Variants in ZNF341 observed in about 807,000 individuals in gnomAD.
ZNF341 encodes zinc finger protein 341.
A neutral mutation model predicts 87.7 loss-of-function variants in ZNF341; 52 were observed. The observed-to-expected ratio is 0.59, with a 90% CI of 0.47 to 0.75. ZNF341 has a LOEUF of 0.75. ZNF341 is among the 30% of genes least tolerant of loss of function. The pLI is 0.00. For missense variants in ZNF341, 977 were observed against 1,145.9 expected (o/e 0.85, Z 2.13); for synonymous variants, 459 against 472.7 (o/e 0.97, Z 0.38).
intron 7 of ZNF341, among the ~76,000 whole-genome samples, chr20:33,760,871 G>A (rs963614908): frequency 6.6e-6 from 1 of 152,024 alleles, no homozygotes; most frequent in Admixed American, 6.6e-5. Flanking sequence ...AGCCCCATAT[G>A]GCTTATGTCT....
At chr20:33,770,340 A>AT in intron 10 of ZNF341, 48 bp downstream of exon 10, 1 of 465,534 alleles carries the variant, frequency 2.1e-6, no homozygotes, top group Non-Finnish European at 4.5e-6. Context: ...GTGGGTGGGC[A>AT]GGGAGCCCAG....
intron 10 of ZNF341, among the ~76,000 whole-genome samples, chr20:33,772,207 T>C (rs2019547811): frequency 6.6e-6 from 1 of 151,980 alleles, no homozygotes; most frequent in African/African-American, 2.4e-5. Flanking sequence ...CTGCAGTCAT[T>C]TTGCTGTACA....
chr20:33,745,233 C>T lies in ZNF341; in HGVS notation c.273C>T (p.Asn91=). 6.2e-7 allele frequency: 1 copy of T among 1,614,248 alleles called. No individual in the cohort carries two copies. The highest frequency in any genetic ancestry group is 1.1e-5 in the South Asian group (1 of 91,090). The stretch of plus-strand genomic sequence containing the variant: ...TGGCCACAGTCTCACTGGCCACCAA[C>T]AGCATCTACCCACCTTCGGCAGCAC... ...PALATVSLAT[N]SIYPPSAAPT... is the part of the protein sequence containing the mutation. The change falls in exon 3 of 15, where the codon AAC becomes AAT. Residue 91 remains asparagine (N), a synonymous_variant. Transcript: ENST00000375200.
intron 14 of ZNF341, 64 bp downstream of exon 14, chr20:33,789,652 C>T (rs1335734619): frequency 3.3e-5 from 52 of 1,555,100 alleles, no homozygotes; most frequent in Non-Finnish European, 4.5e-5. Context: ...GATAGACCCG[C>T]CAGGAAGAGA....
chr20:33,744,822 C>T (rs1028024658), intron 2 of ZNF341, among the ~76,000 whole-genome samples: 4 of 152,122 alleles, frequency 2.6e-5, no homozygotes, highest in African/African-American at 7.2e-5. Flanking sequence ...GAACTCCTGA[C>T]CTCAGGTGAT....
chr20:33,775,470 AAG>A (rs1393739959), intron 10 of ZNF341, among the ~76,000 whole-genome samples: 1 of 150,708 alleles, frequency 6.6e-6, no homozygotes, highest in Non-Finnish European at 1.5e-5. Context: ...CGGCCTCCCA[AAG>A]TGCTAGGATT....
chr20:33,763,171 T>C lies in ZNF341; in HGVS notation c.1222+1116T>C, dbSNP rs1005273012. Among the ~76,000 whole-genome samples, 5 of 152,318 alleles carry C rather than the reference T, an allele frequency of 3.3e-5. No individual in the cohort carries two copies. The South Asian group carries it at 1.0e-3, about 32-fold the overall frequency. ...TGCATTACCTTTTCTATGTTTAAGT[T>C]ACATTCATTTAAAAAATTTTAGATT... is the stretch of plus-strand genomic sequence containing the variant. On this transcript the variant is annotated intron_variant, in intron 8 of 14. Transcript: ENST00000375200.
chr20:33,771,480 A>G (rs1383642993), intron 10 of ZNF341, among the ~76,000 whole-genome samples: 1 of 151,806 alleles, frequency 6.6e-6, no homozygotes, highest in African/African-American at 2.4e-5. Context: ...TCCTGGACTC[A>G]AGTGATCCTC....
At chr20:33,760,258 T>G (rs55743681) in intron 7 of ZNF341, among the ~76,000 whole-genome samples, 1 of 151,910 alleles carries the variant, frequency 6.6e-6, no homozygotes, top group East Asian at 1.9e-4. Flanking sequence ...CAAAAATTAG[T>G]TGGGCATGGT....
chr20:33,742,265 C>T (rs147074075), intron 2 of ZNF341, among the ~76,000 whole-genome samples: 3,217 of 152,168 alleles, frequency 0.021, 112 homozygotes, highest in African/African-American at 0.073. Flanking sequence ...GGCGCGATCT[C>T]GGCTCACTGC....
At chr20:33,777,582 C>T (rs575373872) in intron 10 of ZNF341, among the ~76,000 whole-genome samples, 20 of 148,056 alleles carry the variant, frequency 1.4e-4, no homozygotes, top group Non-Finnish European at 2.5e-4. Context: ...TGCAGTGAGC[C>T]GAGATCGGGC....
In ZNF341 at chr20:33,748,903, C is replaced by G. The variant is rs142373708; in HGVS notation, c.340-20C>G. 14,274 of 1,597,974 alleles carry G rather than the reference C, an allele frequency of 8.9e-3. 98 individuals carry two copies. The highest frequency in any genetic ancestry group is 0.01 in the Non-Finnish European group (11,710 of 1,167,910). On this transcript the variant is annotated intron_variant, in intron 3 of 14. Transcript: ENST00000375200. ...TCTGTCTCTCTCCGTCTCACTCATT[C>G]TCTCTCTCCCACTGTCCAGATCTCC...
At chr20:33,748,381 G>T (rs1484241236) in intron 3 of ZNF341, among the ~76,000 whole-genome samples, 1 of 152,092 alleles carries the variant, frequency 6.6e-6, no homozygotes, top group Non-Finnish European at 1.5e-5. Flanking sequence ...ATACAAGGAA[G>T]TATTATTACT....
chr20:33,767,650 A>T (rs900419994), intron 9 of ZNF341, among the ~76,000 whole-genome samples: 1 of 152,206 alleles, frequency 6.6e-6, no homozygotes, highest in Non-Finnish European at 1.5e-5. Flanking sequence ...TATCTTTTAT[A>T]GGAGCAAGAA....
intron 10 of ZNF341, among the ~76,000 whole-genome samples, chr20:33,774,004 G>A (rs1484081452): frequency 6.6e-6 from 1 of 151,900 alleles, no homozygotes; most frequent in Non-Finnish European, 1.5e-5. Flanking sequence ...ATTTGGCTGG[G>A]TGCAGTGGCT....
At chr20:33,768,388 G>A (rs1423754492) in intron 9 of ZNF341, among the ~76,000 whole-genome samples, 1 of 151,212 alleles carries the variant, frequency 6.6e-6, no homozygotes, top group Non-Finnish European at 1.5e-5. Context: ...CTCCCAGAGT[G>A]TTGGGATTAC....
Position 33,766,892 on chromosome 20 carries a change from T to G in ZNF341, c.1264T>G (p.Leu422Val), listed in dbSNP as rs757962136. 1 of 1,613,984 alleles carries G rather than the reference T, an allele frequency of 6.2e-7. No homozygotes were observed. Among genetic ancestry groups the G allele is most frequent in the East Asian group, 2.2e-5 (1 of 44,882 alleles). ...GCCGGGTGCGCCACAGCCCCAGGCC[T>G]TGTCCACAGCTGGTGAGGAAGAGGG... The part of the protein sequence containing the change: ...PLPGAPQPQA[L>V]STAGEEEGDK... The change falls in exon 9 of 15, where the codon TTG becomes GTG. Residue 422 changes from leucine to valine, a missense_variant. By Grantham distance (32) the Leu-to-Val change is conservative (BLOSUM62 1). Transcript: ENST00000375200.
chr20:33,791,207 C>G lies in ZNF341; in HGVS notation c.2255C>G (p.Ala752Gly), dbSNP rs1409545021. 6.2e-7 allele frequency: 1 copy of G among 1,612,178 alleles called. No individual in the cohort carries two copies. The highest frequency in any genetic ancestry group is 8.5e-7 in the Non-Finnish European group (1 of 1,179,590). ...CGGCGGCCCCCCCAGAGGAGGGCAG[C>G]CCCCCGCAGTTGCGGCAGTGGTGGG... ...QTRRPPQRRA[A>G]PRSCGSGGRK... is the part of the protein sequence containing the mutation. Residue 752 changes from alanine to glycine, a missense_variant, in exon 15 of 15, where the codon GCC (alanine) becomes GGC (glycine). Coordinates refer to ENST00000375200, the MANE Select transcript of ZNF341 (RefSeq NM_001282933.2).
intron 1 of ZNF341, 61 bp from the exon 2 acceptor site, chr20:33,740,841 G>A: frequency 6.6e-7 from 1 of 1,507,880 alleles, no homozygotes; most frequent in Non-Finnish European, 9.2e-7. Context: ...TGGCTTGTAA[G>A]GGTGATGTCA....
Sources: allele counts gnomAD v4.1 joint callset (sites outside exome capture counted in the v4.1 genomes callset), GRCh38; gene constraint gnomAD v4.1.1; transcripts MANE v1.5; gene names NCBI Gene and HGNC (gene_info 2026-07-23, HGNC 2026-07-21).